The following PARD3B variants were observed in gnomAD, a reference collection of about 807,000 sequenced individuals.
PARD3B encodes the protein par-3 family cell polarity regulator beta.
PARD3B carries 103 observed loss-of-function variants against 130.2 expected under a neutral mutation model. The observed-to-expected ratio is 0.79, with a 90% CI of 0.67 to 0.93. PARD3B has a LOEUF of 0.93. Ranked by LOEUF, PARD3B falls within the 40% of genes least tolerant of loss-of-function variation. The probability of loss-of-function intolerance (pLI) is 0.00; values close to 1 mark genes in which losing one functional copy is unlikely to be tolerated. For missense variants in PARD3B, 1,609 were observed against 1,499.2 expected (o/e 1.07, Z -1.21); for synonymous variants, 583 against 553.2 (o/e 1.05, Z -0.76).
Position 205,397,348 on chromosome 2 carries a change from G to A in PARD3B, c.2631-3665G>A, listed in dbSNP as rs1194939643. Among the ~76,000 whole-genome samples, 1 of 152,144 alleles carries A rather than the reference G, an allele frequency of 6.6e-6. No individual in the cohort carries two copies. Among genetic ancestry groups the A allele is most frequent in the Non-Finnish European group, 1.5e-5 (1 of 68,024 alleles). ...AATCAAAGCATTTATAATATTTGTAGAATTGCTTGATTTGACTGTTATTGG... is the reference window on the plus strand; with the variant it reads ...AATCAAAGCATTTATAATATTTGTAAAATTGCTTGATTTGACTGTTATTGG... On this transcript the variant is annotated intron_variant, in intron 18 of 22. Transcript: ENST00000406610. This position sits in a 1 kb window ranked among gnomAD's most constrained non-coding sequence, Gnocchi z 4.8.
rs559633430 is a variant in PARD3B, at chr2:204,763,746, A to G, written c.222+77464A>G. On this transcript the variant is annotated intron_variant, in intron 2 of 22. Coordinates refer to ENST00000406610, the MANE Select transcript of PARD3B (RefSeq NM_001302769.2). ...ACTATCAAGGATAATTCTCCTGTTTAAACATTGAATCTCCTGTGCCTGGTG... is the reference window on the plus strand; with the variant it reads ...ACTATCAAGGATAATTCTCCTGTTTGAACATTGAATCTCCTGTGCCTGGTG... 4.7e-4 allele frequency among the ~76,000 whole-genome samples: 71 copies of G among 152,334 alleles called. 1 individual carries two copies. Among genetic ancestry groups the G allele is most frequent in the African/African-American group, 1.7e-3 (71 of 41,564 alleles).
chr2:205,528,117 G>A (rs2051417136), intron 21 of PARD3B, among the ~76,000 whole-genome samples: 1 of 152,128 alleles, frequency 6.6e-6, no homozygotes, highest in African/African-American at 2.4e-5. Flanking sequence ...GGTCTTCCTG[G>A]TAAGAGGTTG....
chr2:204,805,634 C>T (rs1171347887), intron 2 of PARD3B, among the ~76,000 whole-genome samples: 1 of 152,072 alleles, frequency 6.6e-6, no homozygotes, highest in East Asian at 1.9e-4. Flanking sequence ...GCCAATATCC[C>T]TGATGAACAT....
At chr2:204,914,980 A>G (rs1247051725) in intron 2 of PARD3B, among the ~76,000 whole-genome samples, 1 of 152,256 alleles carries the variant, frequency 6.6e-6, no homozygotes, top group East Asian at 1.9e-4. Context: ...ATGCTTAACC[A>G]GAGAGATTCC....
chr2:205,382,541 C>A (rs1275720579), intron 18 of PARD3B, among the ~76,000 whole-genome samples: 1 of 151,934 alleles, frequency 6.6e-6, no homozygotes. Context: ...ATGCAAATAT[C>A]CTGTTTCTTT....
intron 19 of PARD3B, among the ~76,000 whole-genome samples, chr2:205,410,398 A>G (rs1228432466): frequency 6.6e-6 from 1 of 152,156 alleles, no homozygotes; most frequent in East Asian, 1.9e-4. Context: ...TTTAGGAATG[A>G]GAGCTTCTGT....
intron 19 of PARD3B, among the ~76,000 whole-genome samples, chr2:205,431,036 T>A (rs1157261166): frequency 1.3e-5 from 2 of 152,224 alleles, no homozygotes; most frequent in Non-Finnish European, 2.9e-5. Flanking sequence ...TGGTAAAAAA[T>A]TAATAGAAAA....
chr2:205,615,290 AGTTCCCTTCTCTTCTTTTTAAGG>A (rs2055384256), intron 22 of PARD3B, among the ~76,000 whole-genome samples, 143 bp from the exon 23 acceptor site: 1 of 152,058 alleles, frequency 6.6e-6, no homozygotes, highest in South Asian at 2.1e-4. Context: ...GAAGGGAAGA[AGTTCCCTTCTCTTCTTTTTAAGG>A]GCACGTATCA....
intron 18 of PARD3B, among the ~76,000 whole-genome samples, chr2:205,329,225 A>G (rs1253623209): frequency 6.6e-6 from 1 of 152,188 alleles, no homozygotes; most frequent in African/African-American, 2.4e-5. Context: ...GTTATTTTTC[A>G]TGTGCTTATG....
chr2:205,153,262 C>G (rs2033885876), intron 10 of PARD3B, among the ~76,000 whole-genome samples: 1 of 152,210 alleles, frequency 6.6e-6, no homozygotes, highest in African/African-American at 2.4e-5. Flanking sequence ...GGCAGTCTGT[C>G]TGTTCTCAGA....
chr2:205,487,989 C>T (rs889623435), intron 20 of PARD3B, among the ~76,000 whole-genome samples: 6 of 152,088 alleles, frequency 3.9e-5, no homozygotes, highest in Non-Finnish European at 5.9e-5. Context: ...AGAAGGTGAA[C>T]GATAATTAAA....
intron 21 of PARD3B, among the ~76,000 whole-genome samples, chr2:205,522,831 A>G (rs888605784): frequency 5.9e-5 from 9 of 152,326 alleles, no homozygotes; most frequent in African/African-American, 2.2e-4. Flanking sequence ...AGACATTTCA[A>G]TTTTACAAAT....
chr2:204,635,932 A>G (rs1243857197), intron 1 of PARD3B, among the ~76,000 whole-genome samples: 1 of 152,148 alleles, frequency 6.6e-6, no homozygotes, highest in Non-Finnish European at 1.5e-5. Context: ...TTACTCTTGT[A>G]AGGCATATTT....
chr2:205,400,641 CAA>C (rs375044318), intron 18 of PARD3B, among the ~76,000 whole-genome samples: 2 of 137,700 alleles, frequency 1.5e-5, no homozygotes, highest in African/African-American at 5.3e-5. Flanking sequence ...GACGCTGTCT[CAA>C]AAAAAAAAAA....
chr2:204,568,945 A>T (rs2031836103), intron 1 of PARD3B, among the ~76,000 whole-genome samples: 1 of 149,540 alleles, frequency 6.7e-6, no homozygotes, highest in African/African-American at 2.5e-5. Context: ...ACAGAGTGAG[A>T]CTGTCTCAGG....
chr2:204,935,902 T>C (rs1688417267), intron 2 of PARD3B, among the ~76,000 whole-genome samples: 1 of 152,196 alleles, frequency 6.6e-6, no homozygotes, highest in African/African-American at 2.4e-5. Context: ...GTGAGGCTTT[T>C]TCTTTTTAGT....
intron 3 of PARD3B, among the ~76,000 whole-genome samples, chr2:205,008,039 A>G (rs1169234316): frequency 6.6e-6 from 1 of 152,100 alleles, no homozygotes; most frequent in Non-Finnish European, 1.5e-5. Context: ...TTTTTGATAC[A>G]TGAGAAGAGC....
intron 4 of PARD3B, among the ~76,000 whole-genome samples, chr2:205,055,935 G>C (rs1317751069): frequency 6.6e-6 from 1 of 152,126 alleles, no homozygotes; most frequent in Non-Finnish European, 1.5e-5. Flanking sequence ...CCTCTTTGGA[G>C]GGAAAGCTAC....
intron 21 of PARD3B, among the ~76,000 whole-genome samples, chr2:205,521,369 T>C (rs1385977216): frequency 1.3e-5 from 2 of 152,104 alleles, no homozygotes; most frequent in African/African-American, 2.4e-5. Context: ...GTTCTTGATG[T>C]GGAAAGAATA....
Sources: gnomAD v4.1 joint callset for allele counts (sites outside exome capture counted in the v4.1 genomes callset) on GRCh38, gnomAD v4.1.1 for gene constraint, Gnocchi (gnomAD v3.1) non-coding constraint, MANE v1.5 for transcripts, NCBI Gene and HGNC (gene_info 2026-07-23, HGNC 2026-07-21) for gene names.